Variants in FBXO11 observed in about 807,000 individuals in gnomAD.
FBXO11 encodes the protein F-box protein 11.
FBXO11 carries 13 observed loss-of-function variants against 117.0 expected under a neutral mutation model. That is an observed-to-expected ratio of 0.11 (90% CI 0.07 to 0.18). The LOEUF is 0.18. Among genes scored for constraint, FBXO11 ranks in the 10% least tolerant of loss-of-function variants. The pLI, the probability that FBXO11 is intolerant of heterozygous loss-of-function variation, is 1.00. For synonymous variants in FBXO11, 490 were observed against 380.5 expected, an observed-to-expected ratio of 1.29 and a Z score of -3.35; for missense variants, 767 against 1,164.4, an observed-to-expected ratio of 0.66 and a Z score of 4.97.
Position 47,807,031 on chromosome 2 carries a change from TCCA to T in FBXO11, c.*1084_*1086del. 2 of 631,586 alleles carry T rather than the reference TCCA, an allele frequency of 3.2e-6. No homozygotes were observed. The highest frequency in any genetic ancestry group is 1.9e-5 in the South Asian group (1 of 53,184). 39.1% of individuals were successfully genotyped at this position (631,586 alleles called of 1,614,324 possible). Reference sequence around the variant, plus strand: ...CTTCTACATAATGGTTATTGAATACTCCACAATATATTAAGTCTAGATGTTATG... The same window carrying T: ...CTTCTACATAATGGTTATTGAATACTCAATATATTAAGTCTAGATGTTATG... On this transcript the variant is annotated 3_prime_UTR_variant, in exon 23 of 23. Coordinates refer to ENST00000403359, the MANE Select transcript of FBXO11 (RefSeq NM_001190274.2).
chr2:47,836,397 C>T (rs1672564574), intron 4 of FBXO11, among the ~76,000 whole-genome samples: 1 of 152,034 alleles, frequency 6.6e-6, no homozygotes, highest in African/African-American at 2.4e-5. Flanking sequence ...GAGACATAGT[C>T]TATTTCTATC....
At chr2:47,882,962 T>C (rs1478650517) in intron 1 of FBXO11, among the ~76,000 whole-genome samples, 1 of 152,156 alleles carries the variant, frequency 6.6e-6, no homozygotes, top group Non-Finnish European at 1.5e-5. Flanking sequence ...TGCTTTCTTC[T>C]ACTTCTTTCC....
rs1319547739 is a variant in FBXO11 at position 47,894,524 on chromosome 2, A to C, written c.232+10965T>G. 2.6e-5 allele frequency among the ~76,000 whole-genome samples: 4 copies of C among 152,312 alleles called. No individual in the cohort carries two copies. The East Asian group carries it at 7.7e-4, about 29-fold the overall frequency. On this transcript the variant is annotated intron_variant, in intron 1 of 22. Coordinates refer to ENST00000403359, the MANE Select transcript of FBXO11 (RefSeq NM_001190274.2). The stretch of plus-strand genomic sequence containing the variant: ...GTTTTTGGAATGAAGGCCCAGAATC[A>C]CATATTAAAGTCCACAGTATTTTTT...
intron 1 of FBXO11, among the ~76,000 whole-genome samples, chr2:47,874,056 G>A (rs1378541414): frequency 6.6e-6 from 1 of 151,750 alleles, no homozygotes; most frequent in Non-Finnish European, 1.5e-5. Flanking sequence ...CTACTAAAAA[G>A]ACAAAAAATT....
intron 1 of FBXO11, chr2:47,883,662 G>C (rs965804859): frequency 7.3e-6 from 2 of 274,826 alleles, no homozygotes; most frequent in Middle Eastern, 1.4e-3. Context: ...TCTTCATCTT[G>C]TGTTGAGACT....
chr2:47,821,482 C>A (rs1004269996), intron 13 of FBXO11, among the ~76,000 whole-genome samples: 2 of 152,002 alleles, frequency 1.3e-5, no homozygotes, highest in Non-Finnish European at 2.9e-5. Context: ...TGGTGGCGGG[C>A]GCCTGTAGTC....
chr2:47,897,669 C>T (rs1307164588), intron 1 of FBXO11, among the ~76,000 whole-genome samples: 1 of 144,792 alleles, frequency 6.9e-6, no homozygotes, highest in Non-Finnish European at 1.5e-5. Flanking sequence ...TGCACTCCAG[C>T]CTGGGTGACA....
intron 1 of FBXO11, among the ~76,000 whole-genome samples, chr2:47,901,198 T>G (rs1381587490): frequency 6.7e-6 from 1 of 148,400 alleles, no homozygotes; most frequent in African/African-American, 2.5e-5. Context: ...CATATATATG[T>G]GTGTCATAGA....
rs2104621655 is a variant in FBXO11, at chr2:47,809,191, CTT to C, written c.2520_2521del (p.Ser841LeufsTer8). On this transcript the variant is annotated frameshift_variant, in exon 21 of 23. Transcript: ENST00000403359. LOFTEE classifies it high-confidence loss of function. Reference sequence around the variant, plus strand: ...ATCATGCATGGGATAGCTGGTATAACTTGATATTTTATATAAACATTGGCCTC... The same window carrying C: ...ATCATGCATGGGATAGCTGGTATAACGATATTTTATATAAACATTGGCCTC... 6.2e-7 allele frequency: 1 copy of C among 1,604,596 alleles called. No individual in the cohort carries two copies. Among genetic ancestry groups the C allele is most frequent in the Admixed American group, 1.7e-5 (1 of 59,298 alleles).
chr2:47,822,396 A>G lies in FBXO11; in HGVS notation c.1617-93T>C. 4 of 721,486 alleles carry G rather than the reference A, an allele frequency of 5.5e-6. No homozygotes were observed. In the South Asian group the frequency reaches 7.4e-5, roughly 13 times the overall value. The allele number at this position is 721,486 out of a possible 1,614,324, so 44.7% of individuals were successfully genotyped here. On this transcript the variant is annotated intron_variant, in intron 12 of 22. Transcript: ENST00000403359. Reference sequence around the variant, plus strand: ...GTAAGGCCCCTCATGGTCATATAACAAATTACATAAACTTCTAAGGCCTCA... The same window carrying G: ...GTAAGGCCCCTCATGGTCATATAACGAATTACATAAACTTCTAAGGCCTCA...
Position 47,905,565 on chromosome 2 carries a change from CT to C in FBXO11, c.155del (p.Gln52ArgfsTer114). On this transcript the variant is annotated frameshift_variant, in exon 1 of 23. Coordinates refer to ENST00000403359, the MANE Select transcript of FBXO11 (RefSeq NM_001190274.2). LOFTEE classifies it high-confidence loss of function. ...QQQPPPPPQQ[Q>X]QQQQPPPPPP... ...GCGGCGGCGGAGGCTGCTGCTGCTG[CT>C]GCTGCTGCGGCGGCGGCGGAGGCTG... 1 of 1,255,622 alleles carries C rather than the reference CT, an allele frequency of 8.0e-7. No individual in the cohort carries two copies. Among genetic ancestry groups the C allele is most frequent in the South Asian group, 3.3e-5 (1 of 30,014 alleles). The allele number at this position is 1,255,622 out of a possible 1,614,324, so 77.8% of individuals were successfully genotyped here.
intron 5 of FBXO11, among the ~76,000 whole-genome samples, 167 bp from the exon 6 acceptor site, chr2:47,835,038 T>G (rs1672445303): frequency 6.6e-6 from 1 of 152,204 alleles, no homozygotes; most frequent in Non-Finnish European, 1.5e-5. Context: ...CAAGTTATGA[T>G]CCGGTAATAT....
At chr2:47,817,841 T>G (rs533155222) in intron 16 of FBXO11, among the ~76,000 whole-genome samples, 1 of 152,324 alleles carries the variant, frequency 6.6e-6, no homozygotes, top group African/African-American at 2.4e-5. Flanking sequence ...ACAATTACAA[T>G]AGTAACATCA....
Position 47,820,440 on chromosome 2 carries a change from T to C in FBXO11, c.1719A>G (p.Gly573=). The change falls in exon 14 of 23, where the codon GGA becomes GGG. Residue 573 remains glycine (G), a synonymous_variant. Transcript: ENST00000403359. ...GACAACTGTTTGTCCTAATTTGAAT[T>C]CCTGCTAATGCATTGCCTATTTAAA... The part of the protein sequence containing the change: ...GNDIYGNALA[G]IQIRTNSCPI... The C allele has an allele frequency of 3.7e-6, 6 of 1,613,488 alleles. No individual in the cohort carries two copies. The highest frequency in any genetic ancestry group is 5.1e-6 in the Non-Finnish European group (6 of 1,179,620).
chr2:47,848,082 C>T (rs1673558223), intron 1 of FBXO11, among the ~76,000 whole-genome samples: 1 of 151,912 alleles, frequency 6.6e-6, no homozygotes, highest in Admixed American at 6.6e-5. Context: ...TGAGATCGCA[C>T]CACTGCACTC....
At chr2:47,862,070 G>A (rs1193354948) in intron 1 of FBXO11, among the ~76,000 whole-genome samples, 1 of 152,020 alleles carries the variant, frequency 6.6e-6, no homozygotes, top group East Asian at 1.9e-4. Flanking sequence ...ACGCTACCAT[G>A]CCTGGCTAAT....
At chr2:47,857,259 C>T (rs1674369284) in intron 1 of FBXO11, among the ~76,000 whole-genome samples, 1 of 152,110 alleles carries the variant, frequency 6.6e-6, no homozygotes, top group African/African-American at 2.4e-5. Context: ...AAAAGATATA[C>T]ACAGCCATTA....
chr2:47,855,357 G>GC, intron 1 of FBXO11, among the ~76,000 whole-genome samples: 1 of 152,054 alleles, frequency 6.6e-6, no homozygotes. Context: ...GCGCACATTT[G>GC]TTTTTTGCAG....
chr2:47,868,936 T>C (rs981853867), intron 1 of FBXO11, among the ~76,000 whole-genome samples: 18 of 152,244 alleles, frequency 1.2e-4, no homozygotes, highest in African/African-American at 7.2e-5. Flanking sequence ...CCCATGTTCA[T>C]GGAATTCGCT....
Sources: allele counts gnomAD v4.1 joint callset (sites outside exome capture counted in the v4.1 genomes callset), GRCh38; gene constraint gnomAD v4.1.1; transcripts MANE v1.5; gene names NCBI Gene and HGNC (gene_info 2026-07-23, HGNC 2026-07-21).